Variants in FRZB observed in about 807,000 individuals in gnomAD.
FRZB encodes secreted frizzled-related protein 3.
Under a neutral mutation model 32.5 loss-of-function variants are expected in FRZB, and 34 were observed. The observed-to-expected ratio is 1.05, with a 90% confidence interval of 0.80 to 1.39. FRZB has a LOEUF of 1.39. FRZB is among the 40% of genes most tolerant of loss of function. FRZB has a pLI of 0.00. For missense variants in FRZB, 423 were observed against 424.8 expected, an observed-to-expected ratio of 1.00 and a Z score of 0.04; for synonymous variants, 170 against 159.2, an observed-to-expected ratio of 1.07 and a Z score of -0.51.
chr2:182,856,471 T>C (rs961903513), intron 2 of FRZB, among the ~76,000 whole-genome samples: 11 of 151,846 alleles, frequency 7.2e-5, no homozygotes, highest in African/African-American at 2.7e-4. Flanking sequence ...TAAATACAAA[T>C]ATGAATAACT....
intron 2 of FRZB, among the ~76,000 whole-genome samples, chr2:182,854,790 G>A (rs990670293): frequency 6.6e-6 from 1 of 152,178 alleles, no homozygotes; most frequent in Non-Finnish European, 1.5e-5. Flanking sequence ...CCATAGGAAG[G>A]AGCAGTCACA....
intron 2 of FRZB, among the ~76,000 whole-genome samples, chr2:182,855,547 C>G (rs1695758661): frequency 1.3e-5 from 2 of 152,004 alleles, no homozygotes; most frequent in Admixed American, 6.6e-5. Flanking sequence ...TTGAACAAGA[C>G]CAACGAAAGA....
rs1031455421 is a variant in FRZB, at chr2:182,842,263, T to A, written c.592+215A>T. On this transcript the variant is annotated intron_variant, in intron 3 of 5. Coordinates refer to ENST00000295113, the MANE Select transcript of FRZB (RefSeq NM_001463.4). ...GCTCTAGGATGACAATACTGCTTGATGTGCTTCAACATCAACCAAGTGTTA... is the reference window on the plus strand; with the variant it reads ...GCTCTAGGATGACAATACTGCTTGAAGTGCTTCAACATCAACCAAGTGTTA... Among the ~76,000 whole-genome samples the A allele has an allele frequency of 2.0e-5, 3 of 152,186 alleles. No homozygotes were observed. The East Asian group carries it at 5.8e-4, about 29-fold the overall frequency.
At chr2:182,858,899 T>A in intron 1 of FRZB, 66 bp from the exon 2 acceptor site, 1 of 1,315,614 alleles carries the variant, frequency 7.6e-7, no homozygotes, top group South Asian at 1.2e-5. Flanking sequence ...AAGATAAAAA[T>A]CTAACTCAGT....
intron 1 of FRZB, among the ~76,000 whole-genome samples, chr2:182,859,725 A>G (rs578102281): frequency 1.6e-4 from 25 of 152,286 alleles, no homozygotes; most frequent in Admixed American, 7.2e-4. Context: ...TTAGGACTAT[A>G]ACACCCACAA....
chr2:182,858,701 TC>T, intron 2 of FRZB, 84 bp downstream of exon 2: 1 of 920,422 alleles, frequency 1.1e-6, no homozygotes, highest in East Asian at 2.5e-5. Flanking sequence ...GGCACAAGCT[TC>T]CCCATGAATG....
chr2:182,842,532 A>C lies in FRZB; in HGVS notation c.538T>G (p.Cys180Gly). The C allele has an allele frequency of 5.6e-6, 9 of 1,612,016 alleles. No homozygotes were observed. The highest frequency in any genetic ancestry group is 7.6e-6 in the Non-Finnish European group (9 of 1,178,376). The change falls in exon 3 of 6, where the codon TGT becomes GGT. Residue 180 changes from cysteine (C) to glycine (G), a missense_variant. Cys to Gly is a radical substitution (Grantham distance 159, BLOSUM62 -3). Coordinates refer to ENST00000295113, the MANE Select transcript of FRZB (RefSeq NM_001463.4). ...CRGASSERCK[C>G]KPIRATQKTY... ...TTCTGTGTAGCTCTAATAGGCTTAC[A>C]TTTACAGCGTTCTGAAAAACACATT...
chr2:182,842,361 T>C (rs1695595727), intron 3 of FRZB, 117 bp downstream of exon 3: 2 of 754,636 alleles, frequency 2.7e-6, no homozygotes, highest in South Asian at 3.3e-5. Context: ...AGTCCTTCTG[T>C]TTTTAAGCCT....
chr2:182,864,108 A>G (rs1009155665), intron 1 of FRZB, among the ~76,000 whole-genome samples: 2 of 152,240 alleles, frequency 1.3e-5, no homozygotes, highest in Admixed American at 1.3e-4. Context: ...GTTTCCATGC[A>G]TGTCCTATTT....
At chr2:182,861,665 TGAG>T (rs1695832435) in intron 1 of FRZB, among the ~76,000 whole-genome samples, 2 of 152,198 alleles carry the variant, frequency 1.3e-5, no homozygotes, top group South Asian at 4.1e-4. Flanking sequence ...TTCTCTAAAT[TGAG>T]GAGATGTAGC....
At chr2:182,842,331 G>T (rs1695595419) in intron 3 of FRZB, 147 bp downstream of exon 3, 1 of 621,094 alleles carries the variant, frequency 1.6e-6, no homozygotes, top group African/African-American at 1.9e-5. Context: ...TCGGGGCAGA[G>T]GGACTATGCT....
rs904411326 is a variant in FRZB, at chr2:182,856,371, TGA to T, written c.526+2413_526+2414del. On this transcript the variant is annotated intron_variant, in intron 2 of 5. Coordinates refer to ENST00000295113, the MANE Select transcript of FRZB (RefSeq NM_001463.4). ...TATATCTCACATACGTGTGTGTGTGTGAGAGAGAGAGAGAGAGATACAATCCA... is the reference window on the plus strand; with the variant it reads ...TATATCTCACATACGTGTGTGTGTGTGAGAGAGAGAGAGAGATACAATCCA... Among the ~76,000 whole-genome samples, 146 of 150,682 alleles carry T rather than the reference TGA, an allele frequency of 9.7e-4. 1 individual carries two copies. Among genetic ancestry groups the T allele is most frequent in the African/African-American group, 2.9e-3 (121 of 41,144 alleles).
intron 1 of FRZB, among the ~76,000 whole-genome samples, chr2:182,865,047 C>T (rs111428256): frequency 0.019 from 2,921 of 152,198 alleles, 43 homozygotes; most frequent in Non-Finnish European, 0.03. Flanking sequence ...TTACAAATGT[C>T]ATAATTAGAC....
At chr2:182,835,942 A>T (rs1695520357) in intron 5 of FRZB, among the ~76,000 whole-genome samples, 1 of 152,122 alleles carries the variant, frequency 6.6e-6, no homozygotes, top group Admixed American at 6.6e-5. Context: ...TTCATCATGT[A>T]TATGTTGGAA....
chr2:182,866,233 G>A lies in FRZB; in HGVS notation c.320C>T (p.Pro107Leu), dbSNP rs1695889564. 1.2e-6 allele frequency: 2 copies of A among 1,614,094 alleles called. No homozygotes were observed. Among genetic ancestry groups the A allele is most frequent in the South Asian group, 1.1e-5 (1 of 91,086 alleles). Residue 107 changes from proline (P) to leucine (L), a missense_variant, in exon 1 of 6, where the codon CCC (proline) becomes CTC (leucine). Pro to Leu is a moderately conservative substitution (Grantham distance 98). Transcript: ENST00000295113. The surrounding 1 kb of genome is among the most constrained non-coding windows in gnomAD (Gnocchi z 4.5). ...GGCCCGCTCGCACACAGACTTACAGGGCTTGATGGGCTCGTGCTGGAAGTC... is the reference window on the plus strand; with the variant it reads ...GGCCCGCTCGCACACAGACTTACAGAGCTTGATGGGCTCGTGCTGGAAGTC... ...TIDFQHEPIK[P>L]CKSVCERARQ... is the part of the protein sequence containing the mutation.
chr2:182,851,495 A>G (rs569467462), intron 2 of FRZB, among the ~76,000 whole-genome samples: 3 of 152,262 alleles, frequency 2.0e-5, no homozygotes, highest in African/African-American at 7.2e-5. Context: ...TTCTCTATTA[A>G]AAATACAAAA....
intron 5 of FRZB, among the ~76,000 whole-genome samples, chr2:182,836,097 T>TA (rs1164716202): frequency 6.6e-6 from 1 of 152,102 alleles, no homozygotes; most frequent in Admixed American, 6.6e-5. Flanking sequence ...AATCTTGTCT[T>TA]CATATTTTAA....
chr2:182,856,695 A>G (rs984302271), intron 2 of FRZB, among the ~76,000 whole-genome samples: 5 of 152,172 alleles, frequency 3.3e-5, no homozygotes, highest in Admixed American at 1.3e-4. Flanking sequence ...AAAAAATATA[A>G]TTTAGAGCAG....
chr2:182,865,789 A>T (rs1197344147), intron 1 of FRZB, among the ~76,000 whole-genome samples: 1 of 152,218 alleles, frequency 6.6e-6, no homozygotes, highest in Non-Finnish European at 1.5e-5. Context: ...ATTCCTGTGG[A>T]GTAGAAGTGT....
Sources: allele counts gnomAD v4.1 joint callset (sites outside exome capture counted in the v4.1 genomes callset), GRCh38; gene constraint gnomAD v4.1.1; non-coding constraint Gnocchi (gnomAD v3.1); transcripts MANE v1.5; gene names NCBI Gene and HGNC (gene_info 2026-07-23, HGNC 2026-07-21).